Variants in ADGRL2 observed in about 807,000 individuals in gnomAD.
ADGRL2 encodes adhesion G protein-coupled receptor L2.
Under a neutral mutation model 157.4 loss-of-function variants are expected in ADGRL2, and 44 were observed. The ratio of observed to expected loss-of-function variants is 0.28; its 90% CI spans 0.22 to 0.36. The LOEUF is 0.36. Ranked by LOEUF, ADGRL2 falls within the 10% of genes least tolerant of loss-of-function variation. ADGRL2 has a pLI of 1.00. For missense variants in ADGRL2, 1,510 were observed against 1,768.9 expected, an observed-to-expected ratio of 0.85 and a Z score of 2.63; for synonymous variants, 585 against 624.7, an observed-to-expected ratio of 0.94 and a Z score of 0.95.
intron 2 of ADGRL2, among the ~76,000 whole-genome samples, chr1:81,460,793 C>T (rs1042166478): frequency 3.3e-5 from 5 of 152,198 alleles, no homozygotes; most frequent in African/African-American, 1.2e-4. Context: ...CCTAACTAGG[C>T]AAAAGGCATG....
At chr1:81,523,773 TAA>T (rs2079381423) in intron 2 of ADGRL2, among the ~76,000 whole-genome samples, 1 of 152,122 alleles carries the variant, frequency 6.6e-6, no homozygotes, top group East Asian at 1.9e-4. Flanking sequence ...AAATAAATTT[TAA>T]AAATCGGGCC....
At position 81,990,939 on chromosome 1, in the gene ADGRL2, G is replaced by A; in HGVS notation, c.4204G>A (p.Glu1402Lys). 3 of 1,614,056 alleles carry A rather than the reference G, an allele frequency of 1.9e-6. No individual in the cohort carries two copies. The highest frequency in any genetic ancestry group is 2.5e-6 in the Non-Finnish European group (3 of 1,179,998). Residue 1402 changes from glutamate to lysine, a missense_variant, in exon 24 of 24, where the codon GAA becomes AAA. Around this residue, in one of 4 missense-constraint regions of ADGRL2, gnomAD observed 327 missense variants for 310.1 expected, o/e 1.05. Coordinates refer to ENST00000686636, the MANE Select transcript of ADGRL2 (RefSeq NM_001366006.2). ...PYPESSPDME[E>K]DLSPSRRSEN... ...TCCGGAGAGCAGCCCTGACATGGAA[G>A]AAGACCTCTCTCCCTCCAGGAGGAG... is the stretch of plus-strand genomic sequence containing the variant.
chr1:81,966,225 GTTC>G, intron 12 of ADGRL2, 42 bp downstream of exon 12: 5 of 1,611,286 alleles, frequency 3.1e-6, no homozygotes, highest in Non-Finnish European at 4.2e-6. Context: ...TTTTGTTGTT[GTTC>G]AAAAACCTAT....
At chr1:81,336,445 C>A (rs572998066) in intron 1 of ADGRL2, among the ~76,000 whole-genome samples, 1 of 152,016 alleles carries the variant, frequency 6.6e-6, no homozygotes, top group East Asian at 1.9e-4. Context: ...CTTGGTGGAG[C>A]CAGTTAACTG....
At chr1:81,520,755 C>G (rs2079295049) in intron 2 of ADGRL2, among the ~76,000 whole-genome samples, 1 of 152,136 alleles carries the variant, frequency 6.6e-6, no homozygotes, top group Admixed American at 6.6e-5. Context: ...TACAAATTAC[C>G]AGTCTTGGGT....
chr1:81,944,104 AC>A (rs2148966168), intron 6 of ADGRL2, among the ~76,000 whole-genome samples: 1 of 152,038 alleles, frequency 6.6e-6, no homozygotes, highest in Non-Finnish European at 1.5e-5. Context: ...CTATGTTCAG[AC>A]CTTTTAACTT....
intron 2 of ADGRL2, among the ~76,000 whole-genome samples, chr1:81,546,688 A>G (rs532352514): frequency 6.6e-6 from 1 of 152,322 alleles, no homozygotes; most frequent in East Asian, 1.9e-4. Context: ...CTCTTTATGT[A>G]ACTTAGTTTG....
chr1:81,798,702 T>G (rs2087715549), upstream of ADGRL2, among the ~76,000 whole-genome samples: 2 of 152,156 alleles, frequency 1.3e-5, no homozygotes, highest in South Asian at 4.1e-4. Flanking sequence ...TCAAAGAATG[T>G]CAAATATATC....
At chr1:81,738,128 T>G (rs1319617388) in intron 1 of ADGRL2, among the ~76,000 whole-genome samples, 8 of 152,154 alleles carry the variant, frequency 5.3e-5, no homozygotes, top group Admixed American at 5.2e-4. Context: ...GTATCAATAT[T>G]GTCTGATTAT....
At chr1:81,920,232 A>T (rs10493703) in intron 3 of ADGRL2, among the ~76,000 whole-genome samples, 38,720 of 152,104 alleles carry the variant, frequency 0.25, 5,315 homozygotes, top group Middle Eastern at 0.36. Context: ...AAACCCATTG[A>T]ATATCGCTTA....
At chr1:81,577,303 G>C (rs1384891651) in intron 2 of ADGRL2, among the ~76,000 whole-genome samples, 4 of 152,180 alleles carry the variant, frequency 2.6e-5, no homozygotes, top group Non-Finnish European at 5.9e-5. Context: ...TTGAGATGCA[G>C]TCCCTGCTTT....
intron 3 of ADGRL2, among the ~76,000 whole-genome samples, chr1:81,921,672 T>C (rs1380672798): frequency 6.6e-6 from 1 of 152,228 alleles, no homozygotes; most frequent in East Asian, 1.9e-4. Flanking sequence ...GTTACTGATA[T>C]GAAGCTAATT....
At chr1:81,831,320 C>G (rs566587330) in intron 1 of ADGRL2, among the ~76,000 whole-genome samples, 1 of 152,238 alleles carries the variant, frequency 6.6e-6, no homozygotes, top group South Asian at 2.1e-4. Flanking sequence ...GATAGCTCAA[C>G]TGGAAATAGT....
intron 2 of ADGRL2, among the ~76,000 whole-genome samples, chr1:81,448,940 C>T (rs1379523169): frequency 6.6e-6 from 1 of 152,126 alleles, no homozygotes; most frequent in African/African-American, 2.4e-5. Context: ...GACCCCTATA[C>T]TTTACAGTTT....
At position 81,571,097 on chromosome 1, in the gene ADGRL2, G is replaced by A. The variant is rs1210219178; in HGVS notation, c.-247-9779G>A. Among the ~76,000 whole-genome samples the A allele has an allele frequency of 2.0e-5, 3 of 151,930 alleles. No homozygotes were observed. The East Asian group carries it at 5.8e-4, about 29-fold the overall frequency. On this transcript the variant is annotated intron_variant, in intron 2 of 24. Coordinates refer to the ADGRL2 transcript ENST00000370721. ...CCCAGCACTTTGGGAGGCTGAGGCG[G>A]GCAGATCACCTGAGGTCAGGAGTTG... is the stretch of plus-strand genomic sequence containing the variant.
chr1:81,395,034 G>A (rs993641650), intron 1 of ADGRL2, among the ~76,000 whole-genome samples: 4 of 152,000 alleles, frequency 2.6e-5, no homozygotes, highest in African/African-American at 9.7e-5. Flanking sequence ...GAGTAGCTGG[G>A]ACTACACGTG....
At chr1:81,864,256 G>A (rs957299669) in intron 2 of ADGRL2, among the ~76,000 whole-genome samples, 4 of 152,096 alleles carry the variant, frequency 2.6e-5, no homozygotes, top group African/African-American at 4.8e-5. Context: ...TGTCAAGCAA[G>A]AAGTTTTTTT....
chr1:81,523,289 G>GA (rs1360872767), intron 2 of ADGRL2, among the ~76,000 whole-genome samples: 1 of 151,826 alleles, frequency 6.6e-6, no homozygotes, highest in East Asian at 1.9e-4. Context: ...TTTTTTATAT[G>GA]AAAAAATAAA....
chr1:81,984,677 C>T lies in ADGRL2; in HGVS notation c.3377C>T (p.Thr1126Ile), dbSNP rs1200046628. The change falls in exon 20 of 24, where the codon ACC becomes ATC. Residue 1126 changes from threonine to isoleucine, a missense_variant. Thr to Ile is a moderately conservative substitution (Grantham distance 89, BLOSUM62 -1). Transcript: ENST00000686636. Reference protein sequence around the residue: ...SPHSSVKASTTRTSARYSSGT... With the variant: ...SPHSSVKASTIRTSARYSSGT... ...CACAGTTCAGTGAAGGCATCAACCA[C>T]CAGAACCAGTGCTCGCTATTCCTCT... 1.9e-6 allele frequency: 3 copies of T among 1,612,832 alleles called. No homozygotes were observed. The highest frequency in any genetic ancestry group is 2.2e-5 in the East Asian group (1 of 44,842).
Sources: allele counts gnomAD v4.1 joint callset (sites outside exome capture counted in the v4.1 genomes callset), GRCh38; gene constraint gnomAD v4.1.1; regional missense constraint gnomAD v4.1.1; transcripts MANE v1.5; gene names NCBI Gene and HGNC (gene_info 2026-07-23, HGNC 2026-07-21).